The following POM121 variants were observed in gnomAD, a reference collection of about 807,000 sequenced individuals.
The protein encoded by POM121 is POM121 transmembrane nucleoporin.
A neutral mutation model predicts 81.3 loss-of-function variants in POM121; 32 were observed. The ratio of observed to expected loss-of-function variants is 0.39; its 90% CI spans 0.30 to 0.53. The LOEUF (loss-of-function observed/expected upper bound fraction) is 0.53, where lower values mean the gene tolerates loss of function less well. Ranked by LOEUF, POM121 falls within the 20% of genes least tolerant of loss-of-function variation. POM121 has a pLI of 0.66. For synonymous variants in POM121, 514 were observed against 694.2 expected, an observed-to-expected ratio of 0.74 and a Z score of 4.08; for missense variants, 1,138 against 1,614.6, an observed-to-expected ratio of 0.70 and a Z score of 5.06.
At chr7:72,898,690 C>T (rs1335008633) in intron 3 of POM121, among the ~76,000 whole-genome samples, 7 of 149,678 alleles carry the variant, frequency 4.7e-5, no homozygotes, top group Non-Finnish European at 7.4e-5. Flanking sequence ...CCCAGGTACT[C>T]GGTAGGCTGA....
chr7:72,891,018 A>G, exon 3 of POM121: 2 of 881,060 alleles, frequency 2.3e-6, no homozygotes, highest in Non-Finnish European at 3.6e-6. Context: ...TTAACAAGAT[A>G]TGATATCACC....
Position 72,943,142 on chromosome 7 carries a change from C to G in POM121, c.3149C>G (p.Pro1050Arg). ...GCCACGGCTTCGGCCTTCGGCGCTC[C>G]CGCCAGCTCACAGCCCGCCTTTGGC... is the stretch of plus-strand genomic sequence containing the variant. ...LKATASAFGA[P>R]ASSQPAFGGS... The change falls in exon 11 of 13, where the codon CCC becomes CGC. Residue 1050 changes from proline (P) to arginine (R), a missense_variant. Physicochemically the swap from Pro to Arg is moderately radical, Grantham distance 103. Around this residue, in one of 7 missense-constraint regions of POM121, gnomAD observed 336 missense variants for 344.3 expected, o/e 0.98. Coordinates refer to ENST00000434423, the MANE Select transcript of POM121 (RefSeq NM_001387691.1). 6.2e-7 allele frequency: 1 copy of G among 1,613,318 alleles called. No individual in the cohort carries two copies. Among genetic ancestry groups the G allele is most frequent in the Non-Finnish European group, 8.5e-7 (1 of 1,179,716 alleles).
At chr7:72,924,434 T>C (rs1235308941), upstream of POM121, 1 of 152,190 alleles carries the variant, frequency 6.6e-6, no homozygotes, top group African/African-American at 2.4e-5. Context: ...TTAAACAGCT[T>C]TATTAAGATA....
chr7:72,945,731 G>A, intron 12 of POM121, 23 bp downstream of exon 12: 3 of 1,605,044 alleles, frequency 1.9e-6, no homozygotes, highest in East Asian at 2.2e-5. Flanking sequence ...CCACCCTGTG[G>A]CCCTGCTCAT....
intron 3 of POM121, among the ~76,000 whole-genome samples, chr7:72,894,673 G>GAGAGAGAGAGAGAT (rs1791740728): frequency 6.7e-6 from 1 of 148,850 alleles, no homozygotes; most frequent in Non-Finnish European, 1.5e-5. Flanking sequence ...GAGAGAGAGA[G>GAGAGAGAGAGAGAT]AGAGAGAGAT....
At chr7:72,888,834 CCAT>C (rs1204965275) in intron 1 of POM121, among the ~76,000 whole-genome samples, 1 of 151,864 alleles carries the variant, frequency 6.6e-6, no homozygotes, top group Non-Finnish European at 1.5e-5. Context: ...AATGAAGTAT[CCAT>C]CAGTTTCTAT....
intron 4 of POM121, among the ~76,000 whole-genome samples, chr7:72,918,280 C>T (rs1293208916): frequency 9.2e-5 from 14 of 152,024 alleles, no homozygotes; most frequent in African/African-American, 3.4e-4. Flanking sequence ...GCTAAGTAGC[C>T]GGTGTTTTTC....
intron 1 of POM121, among the ~76,000 whole-genome samples, chr7:72,886,265 C>T (rs1476586242): frequency 6.6e-6 from 1 of 152,034 alleles, no homozygotes; most frequent in East Asian, 1.9e-4. Context: ...CCTCTGCCTC[C>T]CTGGTTCAAG....
At chr7:72,896,421 G>A (rs1369446690) in intron 3 of POM121, among the ~76,000 whole-genome samples, 2 of 148,098 alleles carry the variant, frequency 1.4e-5, no homozygotes, top group African/African-American at 2.5e-5. Context: ...AGGAGGTCAA[G>A]GCTGCAGTGG....
At chr7:72,927,583 G>A (rs1226465698) in intron 3 of POM121, among the ~76,000 whole-genome samples, 25 of 152,040 alleles carry the variant, frequency 1.6e-4, no homozygotes, top group South Asian at 6.2e-4. Context: ...GGTGGTGGGC[G>A]CCTGTGATCC....
intron 4 of POM121, among the ~76,000 whole-genome samples, chr7:72,918,640 C>T (rs1173594503): frequency 1.3e-5 from 2 of 152,088 alleles, no homozygotes; most frequent in Non-Finnish European, 2.9e-5. Flanking sequence ...TGGAACAGCT[C>T]GTGCCCTCGG....
At chr7:72,893,750 A>G (rs1791552877) in intron 3 of POM121, among the ~76,000 whole-genome samples, 1 of 152,138 alleles carries the variant, frequency 6.6e-6, no homozygotes, top group African/African-American at 2.4e-5. Context: ...GTGGCTCGTC[A>G]GCAAGCGCTC....
rs1215710897 is a variant in POM121 at position 72,943,208 on chromosome 7, G to A, written c.3215G>A (p.Gly1072Asp). The part of the protein sequence containing the change: ...AVFFGAATSS[G>D]FGATTQTASS... ...TTCTTCGGTGCAGCCACCAGCTCCG[G>A]CTTTGGAGCCACCACCCAGACCGCC... The change falls in exon 11 of 13, where the codon GGC becomes GAC. Residue 1072 changes from glycine to aspartate, a missense_variant. Transcript: ENST00000434423. The A allele has an allele frequency of 2.5e-6, 4 of 1,613,018 alleles. No homozygotes were observed. Among genetic ancestry groups the A allele is most frequent in the Non-Finnish European group, 3.4e-6 (4 of 1,179,814 alleles).
rs1554497401 is a variant in POM121, at chr7:72,926,273, C to G, written c.656C>G (p.Thr219Ser). 2.9e-5 allele frequency: 46 copies of G among 1,560,280 alleles called. No individual in the cohort carries two copies. Among genetic ancestry groups the G allele is most frequent in the Non-Finnish European group, 3.8e-5 (44 of 1,151,472 alleles). ...CGCATTCTCTGCAGGGATTGTGGGA[C>G]TTTACCAAATCGGTTTGTAATAACA... ...SRRPSPRDCG[T>S]LPNRFVITPR... The change falls in exon 2 of 13, where the codon ACT (threonine) becomes AGT (serine). Residue 219 changes from threonine (T) to serine (S), a missense_variant. By Grantham distance (58) the Thr-to-Ser change is moderately conservative. Transcript: ENST00000434423.
chr7:72,904,934 C>T (rs1436438279), intron 3 of POM121, among the ~76,000 whole-genome samples: 3 of 152,128 alleles, frequency 2.0e-5, no homozygotes, highest in Non-Finnish European at 4.4e-5. Context: ...AGAACTCCCT[C>T]GCTATCACGA....
chr7:72,908,184 C>T (rs555107705), intron 3 of POM121, among the ~76,000 whole-genome samples: 8 of 152,290 alleles, frequency 5.3e-5, no homozygotes, highest in South Asian at 2.1e-4. Flanking sequence ...GATAATTCAA[C>T]GTGAGTCCTT....
Position 72,925,200 on chromosome 7 carries a change from G to C in POM121, c.79G>C (p.Gly27Arg), listed in dbSNP as rs1795261686. Residue 27 changes from glycine to arginine, a missense_variant, in exon 1 of 13, where the codon GGC (glycine) becomes CGC (arginine). Physicochemically the swap from Gly to Arg is moderately radical, Grantham distance 125. Transcript: ENST00000434423. ...IASVRDGRGR[G>R]CGGPARAVLL... ...GAGTGTCAGGGACGGCCGGGGCCGG[G>C]GCTGCGGCGGGCCGGCCAGGGCGGT... is the stretch of plus-strand genomic sequence containing the variant. The C allele has an allele frequency of 6.6e-7, 1 of 1,523,866 alleles. No individual in the cohort carries two copies. The highest frequency in any genetic ancestry group is 1.2e-5 in the South Asian group (1 of 82,856). 94.4% of individuals were successfully genotyped at this position (1,523,866 alleles called of 1,614,324 possible). A position where few individuals can be genotyped will look rare whatever the true frequency, so the allele number is the denominator to read the frequency against.
Position 72,938,672 on chromosome 7 carries a change from AG to A in POM121, c.1359del (p.Ile455Ter). On this transcript the variant is annotated frameshift_variant, in exon 6 of 13. Coordinates refer to ENST00000434423, the MANE Select transcript of POM121 (RefSeq NM_001387691.1). LOFTEE classifies it high-confidence loss of function. ...SRSQTPERPA[K>X]KIREEELCHH... ...TCCCAGACACCGGAGAGGCCAGCAA[AG>A]AAAATAAGGTACTTGGCATTCTCCT... 1.2e-6 allele frequency: 2 copies of A among 1,613,722 alleles called. No homozygotes were observed. Among genetic ancestry groups the A allele is most frequent in the Non-Finnish European group, 1.7e-6 (2 of 1,179,636 alleles).
intron 3 of POM121, among the ~76,000 whole-genome samples, chr7:72,898,785 G>A (rs1279951839): frequency 8.0e-6 from 1 of 124,890 alleles, no homozygotes. Context: ...GTGACAGAGT[G>A]AGACTGTCTC....
Sources: allele counts gnomAD v4.1 joint callset (sites outside exome capture counted in the v4.1 genomes callset), GRCh38; gene constraint gnomAD v4.1.1; regional missense constraint gnomAD v4.1.1; transcripts MANE v1.5; gene names NCBI Gene and HGNC (gene_info 2026-07-23, HGNC 2026-07-21).